The following PTHLH variants were observed in gnomAD, a reference collection of about 807,000 sequenced individuals.
PTHLH encodes the protein parathyroid hormone-related protein.
Under a neutral mutation model 18.6 loss-of-function variants are expected in PTHLH, and 5 were observed. That is an observed-to-expected ratio of 0.27 (90% confidence interval 0.14 to 0.56). The LOEUF is 0.56. Ranked by LOEUF, PTHLH falls within the 20% of genes least tolerant of loss-of-function variation. PTHLH has a pLI of 0.92. For synonymous variants in PTHLH, 90 were observed against 94.0 expected (o/e 0.96, Z 0.25); for missense variants, 207 against 223.9 (o/e 0.92, Z 0.48).
chr12:27,969,498 C>T lies in PTHLH; in HGVS notation c.-4G>A. On this transcript the variant is annotated 5_prime_UTR_variant, in exon 4 of 6. Coordinates refer to ENST00000545234, the MANE Select transcript of PTHLH (RefSeq NM_198965.2). ...GCTGAACCAGTCTCCGCTGCATCGTCTCCGCTCGCGCTCGGGACCTGCAAC... is the reference window on the plus strand; with the variant it reads ...GCTGAACCAGTCTCCGCTGCATCGTTTCCGCTCGCGCTCGGGACCTGCAAC... 2 of 1,569,714 alleles carry T rather than the reference C, an allele frequency of 1.3e-6. No homozygotes were observed. Among genetic ancestry groups the T allele is most frequent in the Non-Finnish European group, 1.7e-6 (2 of 1,159,520 alleles).
At chr12:27,961,779 C>T in intron 5 of PTHLH, 1 of 542,204 alleles carries the variant, frequency 1.8e-6, no homozygotes, top group Non-Finnish European at 3.2e-6. Context: ...ATTTTATGTG[C>T]TATTTAATGA....
intron 2 of PTHLH, among the ~76,000 whole-genome samples, chr12:27,970,596 C>T (rs2062863053): frequency 6.6e-6 from 1 of 151,910 alleles, no homozygotes; most frequent in East Asian, 1.9e-4. Flanking sequence ...CCGGCCGGCT[C>T]CTGCCGGCGC....
chr12:27,963,064 A>T, intron 5 of PTHLH: 1 of 1,307,856 alleles, frequency 7.6e-7, no homozygotes, highest in Non-Finnish European at 9.7e-7. Context: ...TTGAATATGA[A>T]ATTATTTGGT....
At chr12:27,959,887 T>A (rs145282872) in intron 5 of PTHLH, among the ~76,000 whole-genome samples, 1 of 152,228 alleles carries the variant, frequency 6.6e-6, no homozygotes, top group Non-Finnish European at 1.5e-5. Flanking sequence ...CTCAATAATC[T>A]GCATTCTTTA....
chr12:27,970,405 GCCC>G (rs2062860083), intron 2 of PTHLH, 138 bp from the exon 3 acceptor site: 1 of 148,568 alleles, frequency 6.7e-6, no homozygotes, highest in Non-Finnish European at 1.5e-5. Context: ...GCCCCGCGCC[GCCC>G]GAGCGAGTGG....
At chr12:27,963,810 T>C in intron 4 of PTHLH, 40 bp from the exon 5 acceptor site, 1 of 1,595,296 alleles carries the variant, frequency 6.3e-7, no homozygotes, top group Non-Finnish European at 8.6e-7. Context: ...AACAGTTAAA[T>C]TTTAGTTGCT....
intron 4 of PTHLH, among the ~76,000 whole-genome samples, chr12:27,966,143 C>A (rs988556740): frequency 3.9e-5 from 6 of 152,238 alleles, no homozygotes; most frequent in Non-Finnish European, 7.3e-5. Flanking sequence ...AGCCTGTCAA[C>A]TGTGAGTCAC....
chr12:27,961,322 C>CGTATATATATATAT (rs2062757899), intron 5 of PTHLH, among the ~76,000 whole-genome samples: 3 of 101,276 alleles, frequency 3.0e-5, no homozygotes, highest in African/African-American at 1.1e-4. Flanking sequence ...TATATATATA[C>CGTATATATATATAT]GTATATATAT....
intron 5 of PTHLH, chr12:27,961,543 GT>G (rs907553639): frequency 6.4e-6 from 1 of 157,042 alleles, no homozygotes; most frequent in Non-Finnish European, 1.4e-5. Flanking sequence ...ATAAAAATAG[GT>G]TTTGGCAATA....
At chr12:27,963,894 G>T in intron 4 of PTHLH, 124 bp from the exon 5 acceptor site, 1 of 963,546 alleles carries the variant, frequency 1.0e-6, no homozygotes, top group South Asian at 1.6e-5. Context: ...AAGCTGGATG[G>T]GTAGCAAGCT....
chr12:27,963,972 C>T (rs556591259), intron 4 of PTHLH, among the ~76,000 whole-genome samples: 80 of 152,186 alleles, frequency 5.3e-4, no homozygotes, highest in African/African-American at 1.8e-3. Context: ...AGCTCATGGT[C>T]CCAGTTCTAC....
chr12:27,962,724 G>A (rs1354915377), intron 5 of PTHLH: 9 of 981,784 alleles, frequency 9.2e-6, no homozygotes, highest in Non-Finnish European at 1.1e-5. Context: ...CATTTATTTT[G>A]TATGAGCTGG....
At position 27,970,182 on chromosome 12, in the gene PTHLH, G is replaced by T. The variant is rs2062856646; in HGVS notation, c.-180C>A. 1 of 514,198 alleles carries T rather than the reference G, an allele frequency of 1.9e-6. No homozygotes were observed. The highest frequency in any genetic ancestry group is 3.9e-6 in the Non-Finnish European group (1 of 257,798). 31.9% of individuals were successfully genotyped at this position (514,198 alleles called of 1,614,324 possible). A position where few individuals can be genotyped will look rare whatever the true frequency, so the allele number is the denominator to read the frequency against. On this transcript the variant is annotated 5_prime_UTR_variant, in exon 3 of 6. Transcript: ENST00000545234. ...AGGGAGGCGGCAGCCCCGCTTCACG[G>T]GCGGGGAGACATGCTGGCCGGGCGG...
chr12:27,961,305 A>ATATATACATATATATATATACGTG (rs1191839372), intron 5 of PTHLH, among the ~76,000 whole-genome samples: 2 of 42,484 alleles, frequency 4.7e-5, no homozygotes, highest in African/African-American at 2.1e-4. Context: ...ATATACGTAT[A>ATATATACATATATATATATACGTG]TATATATATA....
rs780062581 is a variant in PTHLH at position 27,958,244 on chromosome 12, T to C, written c.*315A>G. The C allele has an allele frequency of 1.4e-5, 3 of 217,868 alleles. No individual in the cohort carries two copies. Among genetic ancestry groups the C allele is most frequent in the Non-Finnish European group, 2.7e-5 (3 of 111,482 alleles). The allele number at this position is 217,868 out of a possible 1,614,324, so 13.5% of individuals were successfully genotyped here. ...CACTTCATTGTGTCATTTATCAACA[T>C]ACTTGATATGTATATCTAAAGTGCA... On this transcript the variant is annotated 3_prime_UTR_variant, in exon 6 of 6. Transcript: ENST00000545234.
rs756191741 is a variant in PTHLH at position 27,963,600 on chromosome 12, T to G, written c.272A>C (p.His91Pro). 5 of 1,613,542 alleles carry G rather than the reference T, an allele frequency of 3.1e-6. No individual in the cohort carries two copies. The African/African-American group carries it at 5.4e-5, about 17-fold the overall frequency. Residue 91 changes from histidine to proline, a missense_variant, in exon 5 of 6, where the codon CAC becomes CCC. Physicochemically the swap from His to Pro is moderately conservative, Grantham distance 77. Transcript: ENST00000545234. ...ATCATCAGACCCAAATCGGACGGGG[T>G]GGTTCTTTGTGTTGGGAGAGGGCTT... is the stretch of plus-strand genomic sequence containing the variant. ...NSKPSPNTKN[H>P]PVRFGSDDEG...
At chr12:27,970,001 A>G (rs780417317) in intron 3 of PTHLH, 24 bp downstream of exon 3, 1 of 518,980 alleles carries the variant, frequency 1.9e-6, no homozygotes, top group Non-Finnish European at 3.8e-6. Context: ...AAACCCACAT[A>G]TATATACATA....
chr12:27,967,879 G>A (rs1357978652), intron 4 of PTHLH, among the ~76,000 whole-genome samples: 1 of 152,330 alleles, frequency 6.6e-6, no homozygotes, highest in African/African-American at 2.4e-5. Flanking sequence ...GTATTTTTAT[G>A]CCATAGTTGT....
At chr12:27,969,135 G>C in intron 4 of PTHLH, 1 of 519,124 alleles carries the variant, frequency 1.9e-6, no homozygotes, top group Admixed American at 3.2e-5. Context: ...TTCCCTAGAA[G>C]AGATTCTGTG....
Sources: allele counts gnomAD v4.1 joint callset (sites outside exome capture counted in the v4.1 genomes callset), GRCh38; gene constraint gnomAD v4.1.1; transcripts MANE v1.5; gene names NCBI Gene and HGNC (gene_info 2026-07-23, HGNC 2026-07-21).